The following CDK8 variants were observed in gnomAD, a reference collection of about 807,000 sequenced individuals.
CDK8 encodes the protein cyclin-dependent kinase 8.
In CDK8, 29 loss-of-function variants were observed where a neutral mutation model predicts 71.5. That is an observed-to-expected ratio of 0.41 (90% confidence interval 0.30 to 0.55). The LOEUF (loss-of-function observed/expected upper bound fraction) is 0.55. CDK8 is among the 20% of genes least tolerant of loss of function. The pLI is 0.37. For synonymous variants in CDK8, 161 were observed against 192.1 expected (o/e 0.84, Z 1.34); for missense variants, 288 against 572.6 (o/e 0.50, Z 5.07).
chr13:26,332,588 C>G (rs530587768), intron 1 of CDK8, among the ~76,000 whole-genome samples: 2 of 152,230 alleles, frequency 1.3e-5, no homozygotes, highest in East Asian at 3.9e-4. Flanking sequence ...TGTCTGATCG[C>G]TCTACCTAGG....
At chr13:26,307,685 C>T (rs990995005) in intron 1 of CDK8, among the ~76,000 whole-genome samples, 1 of 151,960 alleles carries the variant, frequency 6.6e-6, no homozygotes, top group Non-Finnish European at 1.5e-5. Context: ...GTAGACCTCT[C>T]ACCCTAGAAA....
intron 4 of CDK8, among the ~76,000 whole-genome samples, chr13:26,354,595 C>A (rs955752767): frequency 2.6e-5 from 4 of 152,166 alleles, no homozygotes; most frequent in African/African-American, 9.7e-5. Context: ...CCTGTCAGAT[C>A]AGTGGCAGCA....
intron 9 of CDK8, among the ~76,000 whole-genome samples, chr13:26,398,082 T>C (rs1338249098): frequency 6.6e-6 from 1 of 152,200 alleles, no homozygotes; most frequent in African/African-American, 2.4e-5. Context: ...CTCCTTTTTC[T>C]TCGCTTTCTA....
At chr13:26,314,108 TC>T (rs1289839234) in intron 1 of CDK8, among the ~76,000 whole-genome samples, 1 of 152,218 alleles carries the variant, frequency 6.6e-6, no homozygotes, top group Non-Finnish European at 1.5e-5. Context: ...GAGGAAAAGA[TC>T]TCTGAGAGCT....
Position 26,294,678 on chromosome 13 carries a change from G to A in CDK8, c.128+39909G>A, listed in dbSNP as rs900111803. On this transcript the variant is annotated intron_variant, in intron 1 of 12. Transcript: ENST00000381527. ...GATTAGTGATGCTCAGCATTTTTTC[G>A]TATGTCTGTTGGCTATTTGAAAGTC... 1.3e-4 allele frequency among the ~76,000 whole-genome samples: 20 copies of A among 152,030 alleles called. 1 individual carries two copies. Among genetic ancestry groups the A allele is most frequent in the Non-Finnish European group, 1.8e-4 (12 of 67,998 alleles).
intron 4 of CDK8, among the ~76,000 whole-genome samples, chr13:26,368,192 C>T (rs1874480934): frequency 2.0e-5 from 3 of 152,296 alleles, no homozygotes; most frequent in South Asian, 4.1e-4. Flanking sequence ...ATAATTGCCT[C>T]ATGGTCTTGC....
rs1389666900 is a variant in CDK8, at chr13:26,336,931, A to G, written c.129-636A>G. 2.6e-5 allele frequency among the ~76,000 whole-genome samples: 4 copies of G among 152,092 alleles called. No homozygotes were observed. In the South Asian group the frequency reaches 6.2e-4, roughly 24 times the overall value. ...TCTGTTGCACTTGCCATATCATAGC[A>G]CTTATCATATTGTATTATGGTGTGT... On this transcript the variant is annotated intron_variant, in intron 1 of 12. Transcript: ENST00000381527.
intron 1 of CDK8, among the ~76,000 whole-genome samples, chr13:26,309,708 T>A (rs1355569676): frequency 6.6e-6 from 1 of 152,174 alleles, no homozygotes; most frequent in Non-Finnish European, 1.5e-5. Context: ...ACTGTCACAT[T>A]TACATCCCAG....
At chr13:26,400,198 T>C in intron 9 of CDK8, 1 of 396,158 alleles carries the variant, frequency 2.5e-6, no homozygotes, top group Middle Eastern at 7.2e-4. Flanking sequence ...ATTTAGATAA[T>C]GGGGGTGGGG....
At chr13:26,264,023 T>C (rs898250620) in intron 1 of CDK8, among the ~76,000 whole-genome samples, 12 of 149,796 alleles carry the variant, frequency 8.0e-5, no homozygotes, top group African/African-American at 3.0e-4. Flanking sequence ...CTGGGATTAC[T>C]GGCGTGAGCC....
At chr13:26,300,996 TTG>T (rs1225699929) in intron 1 of CDK8, among the ~76,000 whole-genome samples, 1 of 152,178 alleles carries the variant, frequency 6.6e-6, no homozygotes, top group Non-Finnish European at 1.5e-5. Flanking sequence ...TGTGGTGATT[TTG>T]TTTTTTGTTT....
chr13:26,340,161 A>G lies in CDK8; in HGVS notation c.204+2519A>G, dbSNP rs530523826. Among the ~76,000 whole-genome samples the G allele has an allele frequency of 3.7e-4, 56 of 152,264 alleles. No individual in the cohort carries two copies. The South Asian group carries it at 9.3e-3, about 25-fold the overall frequency. ...TTTTTCTGCATAGATAAAAGCAACC[A>G]TATAATTCTTTTCTTATTCTGTTAA... On this transcript the variant is annotated intron_variant, in intron 2 of 12. Coordinates refer to ENST00000381527, the MANE Select transcript of CDK8 (RefSeq NM_001260.3).
chr13:26,372,116 A>T (rs1175191671), intron 4 of CDK8, among the ~76,000 whole-genome samples: 2 of 152,188 alleles, frequency 1.3e-5, no homozygotes, highest in Non-Finnish European at 2.9e-5. Context: ...AAAGATATGC[A>T]TGGTAAGTAT....
chr13:26,332,083 A>G (rs1231585192), intron 1 of CDK8, among the ~76,000 whole-genome samples: 1 of 152,042 alleles, frequency 6.6e-6, no homozygotes, highest in African/African-American at 2.4e-5. Context: ...TTTAAGTGAG[A>G]TTGACTTCTT....
In CDK8 at chr13:26,403,992, C is replaced by A. The variant is rs779663698; in HGVS notation, c.1306C>A (p.Pro436Thr). 6.2e-7 allele frequency: 1 copy of A among 1,613,770 alleles called. No homozygotes were observed. The highest frequency in any genetic ancestry group is 1.3e-5 in the African/African-American group (1 of 75,032). The change falls in exon 13 of 13, where the codon CCA becomes ACA. Residue 436 changes from proline (P) to threonine (T), a missense_variant. Transcript: ENST00000381527. ...NPHAAYPNPG[P>T]STSQPQSSMG... ...ACATGCTGCCTATCCCAACCCTGGA[C>A]CAAGCACATCACAGCCGCAGAGCAG... is the stretch of plus-strand genomic sequence containing the variant.
At chr13:26,257,634 C>G (rs968675971) in intron 1 of CDK8, among the ~76,000 whole-genome samples, 1 of 152,180 alleles carries the variant, frequency 6.6e-6, no homozygotes, top group Admixed American at 6.5e-5. Flanking sequence ...ATTGTATCTC[C>G]TCTTTGCAGA....
intron 2 of CDK8, among the ~76,000 whole-genome samples, chr13:26,345,291 C>A (rs1178200826): frequency 6.6e-6 from 1 of 152,112 alleles, no homozygotes; most frequent in Non-Finnish European, 1.5e-5. Flanking sequence ...TAGTTACTTA[C>A]CCAGAATGAA....
At chr13:26,366,475 G>A (rs1479431788) in intron 4 of CDK8, among the ~76,000 whole-genome samples, 5 of 152,104 alleles carry the variant, frequency 3.3e-5, no homozygotes, top group African/African-American at 4.8e-5. Context: ...AGAAATGTTC[G>A]TTTATTAAAG....
rs200435653 is a variant in CDK8 at position 26,352,113 on chromosome 13, A to AT, written c.316-1615dup. On this transcript the variant is annotated intron_variant, in intron 3 of 12. Transcript: ENST00000381527. Reference sequence around the variant, plus strand: ...TGATTCTTACTGCGGCAGAGTTTTAATTTTTTTTTTTTCAAAAAATTAACC... The same window carrying AT: ...TGATTCTTACTGCGGCAGAGTTTTAATTTTTTTTTTTTTCAAAAAATTAACC... Among the ~76,000 whole-genome samples the AT allele has an allele frequency of 3.7e-3, 522 of 142,366 alleles. 4 individuals are homozygous for AT. Among genetic ancestry groups the AT allele is most frequent in the African/African-American group, 0.01 (400 of 39,102 alleles). 93.4% of individuals were successfully genotyped at this position (142,366 alleles called of 152,430 possible).
Sources: allele counts gnomAD v4.1 joint callset (sites outside exome capture counted in the v4.1 genomes callset), GRCh38; gene constraint gnomAD v4.1.1; transcripts MANE v1.5; gene names NCBI Gene and HGNC (gene_info 2026-07-23, HGNC 2026-07-21).